RFLNA: variants seen among roughly 807,000 people sequenced by gnomAD.
RFLNA encodes the protein refilin A.
A neutral mutation model predicts 7.8 loss-of-function variants in RFLNA; 5 were observed. The ratio of observed to expected loss-of-function variants is 0.64; its 90% confidence interval spans 0.34 to 1.35. RFLNA has a LOEUF of 1.35. Ranked by LOEUF, RFLNA falls within the 40% of genes most tolerant of loss-of-function variation. RFLNA has a pLI of 0.04. For missense variants in RFLNA, 278 were observed against 305.5 expected (o/e 0.91, Z 0.67); for synonymous variants, 141 against 131.3 (o/e 1.07, Z -0.50).
chr12:124,304,472 T>TG (rs1232343378), intron 1 of RFLNA, among the ~76,000 whole-genome samples: 2 of 152,070 alleles, frequency 1.3e-5, no homozygotes, highest in African/African-American at 4.8e-5. Flanking sequence ...TGTCTGCTGC[T>TG]GGCAGCCAGG....
upstream of RFLNA, among the ~76,000 whole-genome samples, chr12:124,294,044 AG>A (rs535828069): frequency 7.0e-3 from 1,059 of 152,290 alleles, 43 homozygotes; most frequent in East Asian, 3.3e-3. Context: ...TCCACAGGGC[AG>A]GGGCCTGCTG....
At chr12:124,311,595 G>C (rs1425305232) in intron 1 of RFLNA, 22 of 445,540 alleles carry the variant, frequency 4.9e-5, no homozygotes, top group Non-Finnish European at 8.3e-5. Flanking sequence ...ACAGGCTGGT[G>C]GTGGAGAGCT....
chr12:124,295,658 C>A, intron 1 of RFLNA, 22 bp downstream of exon 1: 7 of 1,233,084 alleles, frequency 5.7e-6, no homozygotes, highest in Non-Finnish European at 7.1e-6. Context: ...CTCTCTCTCC[C>A]AAACGGGGGA....
Position 124,312,600 on chromosome 12 carries a change from C to T in RFLNA, c.317+673C>T, listed in dbSNP as rs780720482. 1.3e-3 allele frequency among the ~76,000 whole-genome samples: 203 copies of T among 152,292 alleles called. 1 individual carries two copies. The highest frequency in any genetic ancestry group is 2.6e-3 in the Non-Finnish European group (176 of 68,028). On this transcript the variant is annotated intron_variant, in intron 2 of 2. Transcript: ENST00000546355. The stretch of plus-strand genomic sequence containing the variant: ...TGCTGGGATGACAGGTGTGAGTCAC[C>T]ATGCCCAGCCCCTGACAGATTGTTA...
upstream of RFLNA, among the ~76,000 whole-genome samples, chr12:124,290,129 CGG>C (rs2033795827): frequency 6.6e-6 from 1 of 152,202 alleles, no homozygotes; most frequent in Non-Finnish European, 1.5e-5. This position sits in a 1 kb window ranked among gnomAD's most constrained non-coding sequence, Gnocchi z 4.0. Flanking sequence ...GGCAAGAGCC[CGG>C]GGCTCTCCCT....
chr12:124,301,004 T>G (rs146433085), intron 1 of RFLNA, among the ~76,000 whole-genome samples: 1,874 of 152,292 alleles, frequency 0.012, 24 homozygotes, highest in South Asian at 0.023. Flanking sequence ...GATGAACAGA[T>G]GGCTGAACAG....
At chr12:124,311,963 G>T (rs1370465732) in intron 2 of RFLNA, 36 bp downstream of exon 2, 1 of 1,517,252 alleles carries the variant, frequency 6.6e-7, no homozygotes, top group South Asian at 1.2e-5. Flanking sequence ...GGGAGGAGGG[G>T]GTGGGGGGTT....
chr12:124,310,192 A>AAAAAAAAAAAAAAAAAAAAAAAAAC (rs1363625125), intron 1 of RFLNA, among the ~76,000 whole-genome samples: 1 of 146,880 alleles, frequency 6.8e-6, no homozygotes, highest in Non-Finnish European at 1.5e-5. Flanking sequence ...AAAAAAAAAA[A>AAAAAAAAAAAAAAAAAAAAAAAAAC]AAAAGCCTTT....
At chr12:124,295,071 G>T (rs2033880813), upstream of RFLNA, among the ~76,000 whole-genome samples, 1 of 151,954 alleles carries the variant, frequency 6.6e-6, no homozygotes, top group African/African-American at 2.4e-5. Flanking sequence ...CCTAGAAAAG[G>T]AGGCGCGGGC....
chr12:124,297,395 T>G (rs964171392), intron 1 of RFLNA, among the ~76,000 whole-genome samples: 6 of 152,198 alleles, frequency 3.9e-5, no homozygotes, highest in Non-Finnish European at 7.3e-5. Flanking sequence ...TGTTTCCTCA[T>G]GGGTTATGAT....
intron 1 of RFLNA, among the ~76,000 whole-genome samples, chr12:124,304,438 C>T (rs542567923): frequency 4.8e-4 from 73 of 152,322 alleles, no homozygotes; most frequent in African/African-American, 1.5e-3. Flanking sequence ...TCTGGCTTCC[C>T]GGGCCAGCCT....
chr12:124,292,407 C>T (rs2135667167), upstream of RFLNA, among the ~76,000 whole-genome samples: 1 of 152,350 alleles, frequency 6.6e-6, no homozygotes, highest in Non-Finnish European at 1.5e-5. Context: ...CTGCCCTGCC[C>T]ACTGGCTAGC....
At chr12:124,296,055 C>A (rs531590246) in intron 1 of RFLNA, among the ~76,000 whole-genome samples, 49 of 148,816 alleles carry the variant, frequency 3.3e-4, no homozygotes, top group African/African-American at 1.0e-3. Flanking sequence ...TGTCCGGGCG[C>A]TGCCAATGTG....
chr12:124,309,382 G>A (rs1301381175), intron 1 of RFLNA, among the ~76,000 whole-genome samples: 3 of 152,184 alleles, frequency 2.0e-5, no homozygotes, highest in Non-Finnish European at 4.4e-5. Context: ...GCAGCAAGCT[G>A]CGACGAGGCC....
At chr12:124,301,719 C>G (rs920670121) in intron 1 of RFLNA, among the ~76,000 whole-genome samples, 1 of 152,120 alleles carries the variant, frequency 6.6e-6, no homozygotes, top group Non-Finnish European at 1.5e-5. Context: ...GGACAGTGTT[C>G]TGAGTGTCTG....
intron 1 of RFLNA, among the ~76,000 whole-genome samples, chr12:124,298,427 A>C (rs1275944794): frequency 6.6e-6 from 1 of 152,128 alleles, no homozygotes; most frequent in East Asian, 1.9e-4. Context: ...GCCAGGCTGG[A>C]TATGAATGAA....
At position 124,314,607 on chromosome 12, in the gene RFLNA, C is replaced by G. The variant is rs1375994433; in HGVS notation, c.*82C>G. The G allele has an allele frequency of 1.3e-6, 2 of 1,533,512 alleles. No homozygotes were observed. The highest frequency in any genetic ancestry group is 1.7e-6 in the Non-Finnish European group (2 of 1,145,028). The allele number at this position is 1,533,512 out of a possible 1,614,324, so 95.0% of individuals were successfully genotyped here. ...GGAGGATGGACACGATGAGCTCGGCCTGGCACTCGGGCAGGAGGCGGGAAG... is the reference window on the plus strand; with the variant it reads ...GGAGGATGGACACGATGAGCTCGGCGTGGCACTCGGGCAGGAGGCGGGAAG... On this transcript the variant is annotated 3_prime_UTR_variant, in exon 3 of 3. Coordinates refer to ENST00000546355, the MANE Select transcript of RFLNA (RefSeq NM_001365156.1).
In RFLNA at chr12:124,314,463, AGCGTG is replaced by A; in HGVS notation, c.590_594del (p.Ser197ThrfsTer44). On this transcript the variant is annotated frameshift_variant, in exon 3 of 3. Transcript: ENST00000546355. LOFTEE classifies it low-confidence loss of function (END_TRUNC). The stretch of plus-strand genomic sequence containing the variant: ...CCGGCCCAGCCGCTGGTTCACCGCC[AGCGTG>A]CAGCTGCAGCTTTGCCAGGACCCTG... 1 of 1,599,924 alleles carries A rather than the reference AGCGTG, an allele frequency of 6.3e-7. No individual in the cohort carries two copies. Among genetic ancestry groups the A allele is most frequent in the Non-Finnish European group, 8.5e-7 (1 of 1,179,448 alleles).
upstream of RFLNA, among the ~76,000 whole-genome samples, chr12:124,291,291 A>G (rs1248764823): frequency 6.6e-6 from 1 of 152,020 alleles, no homozygotes; most frequent in Non-Finnish European, 1.5e-5. Flanking sequence ...GTCTCACTCT[A>G]TTGCCCAGGC....
Sources: allele counts gnomAD v4.1 joint callset (sites outside exome capture counted in the v4.1 genomes callset), GRCh38; gene constraint gnomAD v4.1.1; non-coding constraint Gnocchi (gnomAD v3.1); transcripts MANE v1.5; gene names NCBI Gene and HGNC (gene_info 2026-07-23, HGNC 2026-07-21).